Variants in XRCC1 observed in about 807,000 individuals in gnomAD.
XRCC1 encodes the protein X-ray repair cross complementing 1.
XRCC1 carries 52 observed loss-of-function variants against 83.3 expected under a neutral mutation model. The observed-to-expected ratio is 0.62, with a 90% confidence interval of 0.50 to 0.79. The LOEUF (loss-of-function observed/expected upper bound fraction) is 0.79, where lower values mean the gene tolerates loss of function less well. Ranked by LOEUF, XRCC1 falls within the 30% of genes least tolerant of loss-of-function variation. XRCC1 has a pLI of 0.00. For missense variants in XRCC1, 793 were observed against 823.5 expected (o/e 0.96, Z 0.45); for synonymous variants, 281 against 312.6 (o/e 0.90, Z 1.07).
intron 14 of XRCC1, among the ~76,000 whole-genome samples, chr19:43,545,226 T>C (rs1031618305): frequency 1.8e-4 from 28 of 152,182 alleles, no homozygotes; most frequent in African/African-American, 6.3e-4. Flanking sequence ...AGCCCGTGAC[T>C]GTCTTTCCTC....
intron 2 of XRCC1, among the ~76,000 whole-genome samples, chr19:43,570,614 T>A (rs1972798170): frequency 6.6e-6 from 1 of 152,090 alleles, no homozygotes; most frequent in Non-Finnish European, 1.5e-5. Flanking sequence ...TGAGACCCCA[T>A]CTCTACGAAA....
rs769107365 is a variant in XRCC1, at chr19:43,552,191, C to A, written c.908G>T (p.Gly303Val). Residue 303 changes from glycine to valine, a missense_variant, in exon 9 of 17, where the codon GGC becomes GTC. Coordinates refer to ENST00000262887, the MANE Select transcript of XRCC1 (RefSeq NM_006297.3). ...AGCTCGGGGTCGTCTGGGCTCGGTG[C>A]CTTCTCCTCGGGGTTTGCCTGTCAC... ...GAVTGKPRGE[G>V]TEPRRPRAGP... The A allele has an allele frequency of 7.4e-6, 12 of 1,614,046 alleles. No individual in the cohort carries two copies. Among genetic ancestry groups the A allele is most frequent in the Non-Finnish European group, 1.0e-5 (12 of 1,179,968 alleles).
chr19:43,560,873 G>C (rs1261772928), intron 3 of XRCC1, 37 bp downstream of exon 3: 8 of 1,537,916 alleles, frequency 5.2e-6, no homozygotes, highest in African/African-American at 1.4e-5. Context: ...ATGAGGGGCA[G>C]AGGTCAGTAT....
chr19:43,553,184 C>G, intron 6 of XRCC1, 93 bp from the exon 7 acceptor site: 1 of 1,371,046 alleles, frequency 7.3e-7, no homozygotes, highest in Non-Finnish European at 1.0e-6. Context: ...GTTGCCAAAA[C>G]CCACCAGTGA....
chr19:43,562,145 C>CA (rs1203247615), intron 2 of XRCC1, among the ~76,000 whole-genome samples: 2,607 of 41,834 alleles, frequency 0.062, 106 homozygotes, highest in African/African-American at 0.17. Flanking sequence ...GACTCTGTCA[C>CA]AAAAAAAAAA....
chr19:43,557,839 G>C (rs560247183), intron 3 of XRCC1, among the ~76,000 whole-genome samples: 4 of 150,692 alleles, frequency 2.7e-5, no homozygotes, highest in South Asian at 2.1e-4. Context: ...GAGGGAAGGA[G>C]GGGAGGGAGA....
chr19:43,555,844 T>C (rs1246998871), intron 3 of XRCC1, among the ~76,000 whole-genome samples: 2 of 152,200 alleles, frequency 1.3e-5, no homozygotes, highest in African/African-American at 2.4e-5. Context: ...TGTTGGTAGT[T>C]TGTCATGGTG....
At chr19:43,547,020 G>A (rs755812509) in intron 10 of XRCC1, 43 bp from the exon 11 acceptor site, 1 of 1,594,124 alleles carries the variant, frequency 6.3e-7, no homozygotes, top group South Asian at 1.1e-5. Flanking sequence ...CCCAAGGGAA[G>A]TGGGGAGGGC....
At chr19:43,575,060 G>A in intron 1 of XRCC1, 58 bp from the exon 2 acceptor site, 1 of 1,393,800 alleles carries the variant, frequency 7.2e-7, no homozygotes, top group Non-Finnish European at 1.0e-6. Flanking sequence ...TAGGCCTCCA[G>A]CTCTCAGATG....
chr19:43,554,051 C>T (rs1972610400), intron 4 of XRCC1, among the ~76,000 whole-genome samples: 2 of 152,148 alleles, frequency 1.3e-5, no homozygotes, highest in South Asian at 2.1e-4. Context: ...CAGCTGGATG[C>T]AGAGCCAGAA....
At chr19:43,548,784 A>AAAAAAAAC (rs752610644) in intron 10 of XRCC1, among the ~76,000 whole-genome samples, 3 of 142,100 alleles carry the variant, frequency 2.1e-5, no homozygotes, top group African/African-American at 2.7e-5. Context: ...AAAAAAAAAA[A>AAAAAAAAC]AACACAACAG....
At chr19:43,554,930 G>A in intron 3 of XRCC1, 126 bp from the exon 4 acceptor site, 2 of 1,073,122 alleles carry the variant, frequency 1.9e-6, no homozygotes, top group Non-Finnish European at 2.7e-6. Context: ...TGTAGCTTGG[G>A]CCTAGATGTC....
chr19:43,574,650 C>A (rs1255930455), intron 2 of XRCC1: 2 of 459,360 alleles, frequency 4.4e-6, no homozygotes, highest in Admixed American at 6.6e-5. Context: ...TTTGTTCCAG[C>A]TGAGGAAACT....
chr19:43,561,710 A>C (rs1972701063), intron 2 of XRCC1, among the ~76,000 whole-genome samples: 1 of 152,250 alleles, frequency 6.6e-6, no homozygotes, highest in South Asian at 2.1e-4. Flanking sequence ...AGGAGGGCTC[A>C]TCTCAAAGGA....
chr19:43,564,792 A>G (rs1379679644), intron 2 of XRCC1, among the ~76,000 whole-genome samples: 1 of 117,140 alleles, frequency 8.5e-6, no homozygotes, highest in Non-Finnish European at 2.1e-5. Context: ...CCGTCTCAAA[A>G]AAACAAAAAA....
chr19:43,564,805 A>C (rs1383248117), intron 2 of XRCC1, among the ~76,000 whole-genome samples: 2 of 151,748 alleles, frequency 1.3e-5, no homozygotes, highest in African/African-American at 2.4e-5. Context: ...ACAAAAAAAA[A>C]ACACACAAAT....
At chr19:43,564,693 CAGG>C (rs1479937431) in intron 2 of XRCC1, among the ~76,000 whole-genome samples, 1 of 151,840 alleles carries the variant, frequency 6.6e-6, no homozygotes, top group Non-Finnish European at 1.5e-5. Flanking sequence ...GAGGCTGAGG[CAGG>C]AGAATTGCTT....
Position 43,545,444 on chromosome 19 carries a change from C to T in XRCC1, c.1621+374G>A, listed in dbSNP as rs182979667. ...ACCCAGGGCCTGACAGAGAGCAGTG[C>T]CCCTGTCACCTGGTGTGCCCGGCTT... On this transcript the variant is annotated intron_variant, in intron 14 of 16. Transcript: ENST00000262887. Among the ~76,000 whole-genome samples the T allele has an allele frequency of 2.0e-5, 3 of 152,328 alleles. No homozygotes were observed. The East Asian group carries it at 5.8e-4, about 29-fold the overall frequency.
At chr19:43,561,140 C>T in intron 2 of XRCC1, 120 bp from the exon 3 acceptor site, 1 of 797,704 alleles carries the variant, frequency 1.3e-6, no homozygotes, top group Non-Finnish European at 2.2e-6. Flanking sequence ...TGTGAGGGGG[C>T]ACACCAGGGT....
Sources: allele counts gnomAD v4.1 joint callset (sites outside exome capture counted in the v4.1 genomes callset), GRCh38; gene constraint gnomAD v4.1.1; transcripts MANE v1.5; gene names NCBI Gene and HGNC (gene_info 2026-07-23, HGNC 2026-07-21).